ANO5: variants seen among roughly 807,000 people sequenced by gnomAD.
ANO5 encodes the protein anoctamin 5, also known as anoctamin-5.
Under a neutral mutation model 121.0 loss-of-function variants are expected in ANO5, and 109 were observed. The observed-to-expected ratio is 0.90, with a 90% CI of 0.77 to 1.06. The LOEUF is 1.06. ANO5 is among the 50% of genes least tolerant of loss of function. The probability of loss-of-function intolerance (pLI) is 0.00; values close to 1 mark genes in which losing one functional copy is unlikely to be tolerated. For synonymous variants in ANO5, 406 were observed against 359.9 expected, an observed-to-expected ratio of 1.13 and a Z score of -1.45; for missense variants, 1,064 against 1,078.5, an observed-to-expected ratio of 0.99 and a Z score of 0.19.
chr11:22,214,321 T>A (rs1259275478), intron 3 of ANO5, among the ~76,000 whole-genome samples: 2 of 151,972 alleles, frequency 1.3e-5, no homozygotes, highest in Non-Finnish European at 2.9e-5. Context: ...TTTTGTACAT[T>A]TCCTGCCTCA....
intron 1 of ANO5, among the ~76,000 whole-genome samples, chr11:22,201,738 A>G (rs2133510291): frequency 6.6e-6 from 1 of 152,294 alleles, no homozygotes; most frequent in East Asian, 1.9e-4. Context: ...TTCTTTCATA[A>G]CAAATCCATT....
intron 7 of ANO5, among the ~76,000 whole-genome samples, chr11:22,234,398 C>G (rs1259557816): frequency 6.6e-6 from 1 of 152,058 alleles, no homozygotes; most frequent in Non-Finnish European, 1.5e-5. Flanking sequence ...GGTAAAGCAT[C>G]AGTGAGTTCA....
At chr11:22,273,331 T>A (rs746275243) in intron 19 of ANO5, among the ~76,000 whole-genome samples, 1 of 152,162 alleles carries the variant, frequency 6.6e-6, no homozygotes, top group Non-Finnish European at 1.5e-5. Flanking sequence ...ATTTACCTGT[T>A]GTGTTTATGA....
chr11:22,194,696 G>A (rs574063535), intron 1 of ANO5, among the ~76,000 whole-genome samples: 2 of 152,270 alleles, frequency 1.3e-5, no homozygotes, highest in East Asian at 1.9e-4. Flanking sequence ...ACAACATGTG[G>A]TCTGTTGTAA....
intron 2 of ANO5, among the ~76,000 whole-genome samples, chr11:22,205,245 G>A (rs1852080801): frequency 6.6e-6 from 1 of 151,984 alleles, no homozygotes; most frequent in African/African-American, 2.4e-5. Flanking sequence ...CAACTAGTGG[G>A]TATTAGGCTT....
intron 21 of ANO5, chr11:22,277,946 TTTGAGAAA>T (rs1854928505): frequency 6.6e-6 from 1 of 150,804 alleles, no homozygotes; most frequent in South Asian, 2.1e-4. Flanking sequence ...GCAGTCCATT[TTTGAGAAA>T]TTGAAGATTG....
At chr11:22,251,393 G>A (rs1313186771) in intron 12 of ANO5, among the ~76,000 whole-genome samples, 1 of 152,158 alleles carries the variant, frequency 6.6e-6, no homozygotes, top group Admixed American at 6.5e-5. Flanking sequence ...TCAAAAACTT[G>A]AGGACTAATG....
intron 2 of ANO5, among the ~76,000 whole-genome samples, chr11:22,205,060 T>A (rs1852072804): frequency 6.6e-6 from 1 of 151,776 alleles, no homozygotes; most frequent in Non-Finnish European, 1.5e-5. Context: ...ATGGATGGAG[T>A]TGGAGGCCCA....
In ANO5 at chr11:22,199,766, G is replaced by C. The variant is rs187883015; in HGVS notation, c.41-4038G>C. Among the ~76,000 whole-genome samples the C allele has an allele frequency of 3.9e-5, 6 of 152,150 alleles. No individual in the cohort carries two copies. The East Asian group carries it at 1.2e-3, about 29-fold the overall frequency. ...TGTGATGTGTTGTGTTTTGGTTGAA[G>C]TGTATGAAAAAAATCTGGCCTCTTA... On this transcript the variant is annotated intron_variant, in intron 1 of 21. Coordinates refer to ENST00000324559, the MANE Select transcript of ANO5 (RefSeq NM_213599.3).
At chr11:22,239,991 G>A (rs1325584700) in intron 9 of ANO5, among the ~76,000 whole-genome samples, 1 of 152,020 alleles carries the variant, frequency 6.6e-6, no homozygotes, top group Non-Finnish European at 1.5e-5. Flanking sequence ...TATGAAAATA[G>A]ATATAACAAT....
chr11:22,241,171 C>T (rs149099392), intron 9 of ANO5, among the ~76,000 whole-genome samples: 6 of 48,612 alleles, frequency 1.2e-4, no homozygotes, highest in African/African-American at 6.5e-4. Flanking sequence ...TAACCCACAC[C>T]CCTCTCCCAC....
chr11:22,272,791 AT>A lies in ANO5; in HGVS notation c.2040del (p.Phe680LeufsTer20). 1 of 1,613,724 alleles carries A rather than the reference AT, an allele frequency of 6.2e-7. No individual in the cohort carries two copies. Among genetic ancestry groups the A allele is most frequent in the Non-Finnish European group, 8.5e-7 (1 of 1,179,758 alleles). ...TTTTTCTTTTCTCTACAGTTACTCA[AT>A]TTGGATTTGTTACACTATTTGTGGC... is the stretch of plus-strand genomic sequence containing the variant. ...FYEYLETVTQFGFVTLFVASF... is the reference protein window; with the variant it reads ...FYEYLETVTQXGFVTLFVASF... On this transcript the variant is annotated frameshift_variant, in exon 19 of 22. Transcript: ENST00000324559. LOFTEE classifies it high-confidence loss of function.
chr11:22,240,807 AC>A, intron 9 of ANO5, among the ~76,000 whole-genome samples: 1 of 77,164 alleles, frequency 1.3e-5, no homozygotes, highest in Non-Finnish European at 4.2e-5. Context: ...AAAAGCAGAA[AC>A]ATTTTTTTTT....
intron 12 of ANO5, 111 bp from the exon 13 acceptor site, chr11:22,255,260 T>G (rs1334810272): frequency 6.3e-6 from 5 of 791,662 alleles, no homozygotes; most frequent in Non-Finnish European, 9.5e-6. Flanking sequence ...AGTGAAAGAA[T>G]AGCCACCTGA....
At chr11:22,232,239 T>C (rs919688307) in intron 7 of ANO5, among the ~76,000 whole-genome samples, 1 of 152,048 alleles carries the variant, frequency 6.6e-6, no homozygotes, top group Non-Finnish European at 1.5e-5. Flanking sequence ...TATTTGTGTA[T>C]GTGTCATTAT....
chr11:22,217,214 G>A (rs550343389), intron 3 of ANO5, among the ~76,000 whole-genome samples: 1 of 151,940 alleles, frequency 6.6e-6, no homozygotes, highest in African/African-American at 2.4e-5. Flanking sequence ...TAATTGTATT[G>A]GATTATTTAT....
Position 22,281,385 on chromosome 11 carries a change from C to T in ANO5, c.*1620C>T, listed in dbSNP as rs1855071459. The T allele has an allele frequency of 6.6e-6, 1 of 151,988 alleles. No individual in the cohort carries two copies. The highest frequency in any genetic ancestry group is 2.1e-4 in the South Asian group (1 of 4,834). 9.4% of individuals were successfully genotyped at this position (151,988 alleles called of 1,614,324 possible). A position where few individuals can be genotyped will look rare whatever the true frequency, so the allele number is the denominator to read the frequency against. ...TTTTATAAACTATGAGACAGTCACC[C>T]CAGTTTGGACTGGGACTAATCCCCA... On this transcript the variant is annotated 3_prime_UTR_variant, in exon 22 of 22. Transcript: ENST00000324559.
chr11:22,250,156 A>AT, intron 9 of ANO5, 81 bp from the exon 10 acceptor site: 1 of 1,336,746 alleles, frequency 7.5e-7, no homozygotes, highest in East Asian at 2.4e-5. Flanking sequence ...ATTAGAATAT[A>AT]TGCCTGTCTG....
In ANO5 at chr11:22,239,694, A is replaced by T; in HGVS notation, c.878+10A>T. ...CTTTAGACTTGATTAAGTAAGTTTC[A>T]TACACAGGATCAGACCAATTAAAAC... On this transcript the variant is annotated intron_variant, in intron 9 of 21. Transcript: ENST00000324559. 1 of 1,560,474 alleles carries T rather than the reference A, an allele frequency of 6.4e-7. No homozygotes were observed. The highest frequency in any genetic ancestry group is 8.8e-7 in the Non-Finnish European group (1 of 1,131,650).
Sources: allele counts gnomAD v4.1 joint callset (sites outside exome capture counted in the v4.1 genomes callset), GRCh38; gene constraint gnomAD v4.1.1; transcripts MANE v1.5; gene names NCBI Gene and HGNC (gene_info 2026-07-23, HGNC 2026-07-21).